Variants in COL8A1 observed in about 807,000 individuals in gnomAD.
COL8A1 encodes collagen alpha-1(VIII) chain.
A neutral mutation model predicts 42.7 loss-of-function variants in COL8A1; 21 were observed. That is an observed-to-expected ratio of 0.49 (90% CI 0.35 to 0.71). COL8A1 has a LOEUF of 0.71. Ranked by LOEUF, COL8A1 falls within the 30% of genes least tolerant of loss-of-function variation. COL8A1 has a pLI of 0.01. For synonymous variants in COL8A1, 367 were observed against 369.1 expected (o/e 0.99, Z 0.06); for missense variants, 788 against 962.4 (o/e 0.82, Z 2.40).
At chr3:99,673,287 C>T (rs1185225281) in intron 1 of COL8A1, among the ~76,000 whole-genome samples, 1 of 152,056 alleles carries the variant, frequency 6.6e-6, no homozygotes, top group African/African-American at 2.4e-5. Flanking sequence ...CTCAGTATCA[C>T]TTACTTTGAT....
chr3:99,659,146 C>G (rs1938121589), intron 1 of COL8A1, among the ~76,000 whole-genome samples: 1 of 152,198 alleles, frequency 6.6e-6, no homozygotes, highest in Non-Finnish European at 1.5e-5. Flanking sequence ...CTGTGAGCCC[C>G]CAGTTGCTTC....
chr3:99,738,740 GGT>G (rs1355592879), intron 1 of COL8A1, among the ~76,000 whole-genome samples: 4 of 118,628 alleles, frequency 3.4e-5, no homozygotes, highest in Non-Finnish European at 5.7e-5. Context: ...CTTGAGCTGT[GGT>G]GGGCTCCACC....
At chr3:99,682,433 G>T (rs926757334) in intron 1 of COL8A1, among the ~76,000 whole-genome samples, 22 of 151,872 alleles carry the variant, frequency 1.4e-4, no homozygotes, top group Non-Finnish European at 2.4e-4. Flanking sequence ...TAATAATAAT[G>T]ATAATAATTA....
intron 1 of COL8A1, among the ~76,000 whole-genome samples, chr3:99,642,722 C>T (rs999251021): frequency 6.6e-6 from 1 of 152,150 alleles, no homozygotes; most frequent in Non-Finnish European, 1.5e-5. Flanking sequence ...CTTTTTAATT[C>T]TCATAGAACA....
Position 99,702,509 on chromosome 3 carries a change from T to A in COL8A1, c.-128-42388T>A, listed in dbSNP as rs1241953143. ...AATAAAGATAAGTTATCATTTCCAATTAAATCAACATGTTTTTGACTACTA... is the reference window on the plus strand; with the variant it reads ...AATAAAGATAAGTTATCATTTCCAAATAAATCAACATGTTTTTGACTACTA... On this transcript the variant is annotated intron_variant, in intron 1 of 3. Transcript: ENST00000652472. 9.8e-5 allele frequency among the ~76,000 whole-genome samples: 15 copies of A among 152,338 alleles called. 1 individual carries two copies. The highest frequency in any genetic ancestry group is 3.1e-4 in the African/African-American group (13 of 41,582).
intron 1 of COL8A1, among the ~76,000 whole-genome samples, chr3:99,647,393 A>C (rs1355663609): frequency 6.6e-6 from 1 of 152,234 alleles, no homozygotes; most frequent in Non-Finnish European, 1.5e-5. Context: ...AAACAGGAAC[A>C]AAAGAAGCAG....
intron 1 of COL8A1, among the ~76,000 whole-genome samples, chr3:99,639,342 T>G (rs1378296957): frequency 6.6e-6 from 1 of 152,196 alleles, no homozygotes; most frequent in African/African-American, 2.4e-5. Context: ...ACTAAGAAAG[T>G]GTATAAAAGA....
At chr3:99,729,689 G>A (rs1306584388) in intron 1 of COL8A1, among the ~76,000 whole-genome samples, 1 of 151,872 alleles carries the variant, frequency 6.6e-6, no homozygotes, top group African/African-American at 2.4e-5. Flanking sequence ...ACAACCTTTA[G>A]TTTTTGTAAA....
intron 1 of COL8A1, among the ~76,000 whole-genome samples, chr3:99,739,841 A>C (rs557316599): frequency 6.6e-6 from 1 of 152,116 alleles, no homozygotes; most frequent in Admixed American, 6.5e-5. Context: ...CTCATTGCTT[A>C]TGCAAATTTC....
chr3:99,721,343 C>T (rs1235638515), intron 1 of COL8A1, among the ~76,000 whole-genome samples: 2 of 125,330 alleles, frequency 1.6e-5, no homozygotes, highest in Non-Finnish European at 3.2e-5. Flanking sequence ...GTTTTGCACT[C>T]AGTGGCACAG....
chr3:99,673,546 CAGTATT>C (rs1313811644), intron 1 of COL8A1, among the ~76,000 whole-genome samples: 1 of 152,072 alleles, frequency 6.6e-6, no homozygotes, highest in East Asian at 1.9e-4. Flanking sequence ...CTGCATTAAA[CAGTATT>C]AGTCTTTACA....
intron 1 of COL8A1, among the ~76,000 whole-genome samples, chr3:99,708,029 A>T (rs1939731182): frequency 6.6e-6 from 1 of 152,150 alleles, no homozygotes; most frequent in Non-Finnish European, 1.5e-5. Context: ...CTCCCCTCTT[A>T]GCTGTGAACT....
At position 99,795,751 on chromosome 3, in the gene COL8A1, C is replaced by G. The variant is rs762217511; in HGVS notation, c.1850C>G (p.Ala617Gly). Residue 617 changes from alanine (A) to glycine (G), a missense_variant, in exon 4 of 4, where the codon GCA becomes GGA. Coordinates refer to ENST00000652472, the MANE Select transcript of COL8A1 (RefSeq NM_020351.4). ...GGAGGGCCAGCCTATGAGATGCCTG[C>G]ATTTACCGCCGAGCTAACCGCACCT... ...KNGGPAYEMP[A>G]FTAELTAPFP... is the part of the protein sequence containing the mutation. 6.2e-7 allele frequency: 1 copy of G among 1,614,118 alleles called. No homozygotes were observed. Among genetic ancestry groups the G allele is most frequent in the South Asian group, 1.1e-5 (1 of 91,080 alleles).
chr3:99,781,141 G>T (rs1941786623), intron 2 of COL8A1, among the ~76,000 whole-genome samples: 1 of 152,124 alleles, frequency 6.6e-6, no homozygotes, highest in South Asian at 2.1e-4. Flanking sequence ...AATGATTTCT[G>T]CTACTCCTGA....
At chr3:99,642,534 T>A (rs1288950745) in intron 1 of COL8A1, among the ~76,000 whole-genome samples, 2 of 152,224 alleles carry the variant, frequency 1.3e-5, no homozygotes, top group Non-Finnish European at 2.9e-5. Context: ...ATGTAAAATA[T>A]GAACACACAC....
intron 1 of COL8A1, among the ~76,000 whole-genome samples, chr3:99,715,746 A>C (rs946567500): frequency 6.6e-6 from 1 of 151,988 alleles, no homozygotes; most frequent in Non-Finnish European, 1.5e-5. Flanking sequence ...ACAAGCAAAG[A>C]CATGGCTTTT....
chr3:99,793,723 T>C (rs1419400421), intron 3 of COL8A1, among the ~76,000 whole-genome samples: 1 of 152,106 alleles, frequency 6.6e-6, no homozygotes, highest in Non-Finnish European at 1.5e-5. Flanking sequence ...TAAAAAAAAA[T>C]TGTCAGCTTG....
At chr3:99,706,223 G>A (rs1438775232) in intron 1 of COL8A1, among the ~76,000 whole-genome samples, 1 of 152,130 alleles carries the variant, frequency 6.6e-6, no homozygotes, top group Non-Finnish European at 1.5e-5. Context: ...CCTCAGTACT[G>A]GAAAAATAGT....
At position 99,746,911 on chromosome 3, in the gene COL8A1, C is replaced by T. The variant is rs939981052; in HGVS notation, c.-4+1890C>T. Reference sequence around the variant, plus strand: ...AATAAAGAATTTTTTGAATGTACACCTTTTTCTTAGTGAAAATGGACTTGG... The same window carrying T: ...AATAAAGAATTTTTTGAATGTACACTTTTTTCTTAGTGAAAATGGACTTGG... On this transcript the variant is annotated intron_variant, in intron 2 of 3. Transcript: ENST00000652472. 1.3e-5 allele frequency among the ~76,000 whole-genome samples: 2 copies of T among 152,060 alleles called. 1 individual carries two copies. Among genetic ancestry groups the T allele is most frequent in the East Asian group, 3.8e-4 (2 of 5,198 alleles).
Sources: allele counts gnomAD v4.1 joint callset (sites outside exome capture counted in the v4.1 genomes callset), GRCh38; gene constraint gnomAD v4.1.1; transcripts MANE v1.5; gene names NCBI Gene and HGNC (gene_info 2026-07-23, HGNC 2026-07-21).